Variants in NRXN1 observed in about 807,000 individuals in gnomAD.
NRXN1 encodes neurexin 1, also known as neurexin-1.
NRXN1 carries 39 observed loss-of-function variants against 150.9 expected under a neutral mutation model. That is an observed-to-expected ratio of 0.26 (90% CI 0.20 to 0.34). The LOEUF is 0.34. Among genes scored for constraint, NRXN1 ranks in the 10% least tolerant of loss-of-function variants. The pLI, the probability that NRXN1 is intolerant of heterozygous loss-of-function variation, is 1.00. For missense variants in NRXN1, 1,815 were observed against 1,949.9 expected, an observed-to-expected ratio of 0.93 and a Z score of 1.30; for synonymous variants, 924 against 757.0, an observed-to-expected ratio of 1.22 and a Z score of -3.62.
At chr2:50,828,507 T>C (rs1670866072) in intron 5 of NRXN1, among the ~76,000 whole-genome samples, 1 of 142,326 alleles carries the variant, frequency 7.0e-6, no homozygotes, top group African/African-American at 2.7e-5. Flanking sequence ...TCCTCCCTTC[T>C]CAGACGGGGC....
intron 17 of NRXN1, among the ~76,000 whole-genome samples, chr2:50,394,109 T>A (rs922958206): frequency 6.6e-6 from 1 of 152,174 alleles, no homozygotes; most frequent in Non-Finnish European, 1.5e-5. Context: ...GATTCTGTTA[T>A]TTTGTGACCT....
chr2:50,586,888 A>C (rs542817580), intron 8 of NRXN1, among the ~76,000 whole-genome samples: 2 of 152,358 alleles, frequency 1.3e-5, no homozygotes, highest in African/African-American at 4.8e-5. Context: ...AATATTCCTT[A>C]GATTCCTGGT....
intron 17 of NRXN1, among the ~76,000 whole-genome samples, chr2:50,414,824 C>T (rs61185776): frequency 0.012 from 1,872 of 151,962 alleles, 45 homozygotes; most frequent in African/African-American, 0.043. Context: ...TATGAACGTT[C>T]GTAATACCAA....
intron 18 of NRXN1, among the ~76,000 whole-genome samples, chr2:50,152,714 T>A (rs1345774604): frequency 1.3e-5 from 2 of 151,954 alleles, no homozygotes; most frequent in South Asian, 4.1e-4. Flanking sequence ...AAGGATGACA[T>A]GTATGAATGA....
rs532946325 is a variant in NRXN1 at position 50,690,045 on chromosome 2, C to G, written c.833-66430G>C. Among the ~76,000 whole-genome samples, 3 of 152,190 alleles carry G rather than the reference C, an allele frequency of 2.0e-5. No homozygotes were observed. In the East Asian group the frequency reaches 5.8e-4, roughly 29 times the overall value. ...GGGATTACAGGTGCCCGCCACTATG[C>G]TTGGCTAATTTTTGTATTTTTAGTA... is the stretch of plus-strand genomic sequence containing the variant. On this transcript the variant is annotated intron_variant, in intron 5 of 22. Coordinates refer to ENST00000401669, the MANE Select transcript of NRXN1 (RefSeq NM_001330078.2).
chr2:50,731,361 C>A (rs1698080913), intron 5 of NRXN1, among the ~76,000 whole-genome samples: 1 of 152,146 alleles, frequency 6.6e-6, no homozygotes, highest in Non-Finnish European at 1.5e-5. Flanking sequence ...TCTGATTATT[C>A]TTTTGTAAGT....
At chr2:50,865,659 T>C (rs1274879764) in intron 5 of NRXN1, among the ~76,000 whole-genome samples, 1 of 30,432 alleles carries the variant, frequency 3.3e-5, no homozygotes. Context: ...CATTTGAAAG[T>C]TTTTTTTTTT....
At chr2:49,945,150 CTCTTACT>C in intron 21 of NRXN1, 1 of 152,234 alleles carries the variant, frequency 6.6e-6, no homozygotes, top group South Asian at 2.1e-4. Context: ...TGTTACTCTG[CTCTTACT>C]TCTTCTGAGA....
intron 5 of NRXN1, among the ~76,000 whole-genome samples, chr2:50,714,400 G>A (rs1262179406): frequency 6.6e-6 from 1 of 151,830 alleles, no homozygotes; most frequent in Non-Finnish European, 1.5e-5. Context: ...ACCCCTTCTT[G>A]ACCCTAGCAT....
Position 50,331,594 on chromosome 2 carries a change from A to G in NRXN1, c.3365-94624T>C, listed in dbSNP as rs561127117. Among the ~76,000 whole-genome samples the G allele has an allele frequency of 2.6e-5, 4 of 152,300 alleles. No homozygotes were observed. The East Asian group carries it at 5.8e-4, about 22-fold the overall frequency. On this transcript the variant is annotated intron_variant, in intron 17 of 22. Transcript: ENST00000401669. Reference sequence around the variant, plus strand: ...TCTATGTATAACAGTTCATTCTAAGAGAAGAGCAATAGATTTAACCACTTG... The same window carrying G: ...TCTATGTATAACAGTTCATTCTAAGGGAAGAGCAATAGATTTAACCACTTG...
chr2:50,690,212 T>C (rs1223993740), intron 5 of NRXN1, among the ~76,000 whole-genome samples: 2 of 152,168 alleles, frequency 1.3e-5, no homozygotes, highest in Non-Finnish European at 2.9e-5. Flanking sequence ...CAAATTTTAA[T>C]TCAAACCCAA....
chr2:50,291,002 C>T (rs1050096439), intron 17 of NRXN1, among the ~76,000 whole-genome samples: 12 of 151,936 alleles, frequency 7.9e-5, no homozygotes, highest in African/African-American at 2.9e-4. Flanking sequence ...AATGTAGCCA[C>T]GTGACACCAG....
At chr2:50,732,119 TCTTA>T (rs1275701018) in intron 5 of NRXN1, among the ~76,000 whole-genome samples, 2 of 152,154 alleles carry the variant, frequency 1.3e-5, no homozygotes, top group Non-Finnish European at 2.9e-5. Flanking sequence ...ACATGTACTT[TCTTA>T]GTGTAAAATG....
At chr2:50,963,596 G>T (rs1338932894) in intron 2 of NRXN1, among the ~76,000 whole-genome samples, 2 of 151,626 alleles carry the variant, frequency 1.3e-5, no homozygotes, top group Non-Finnish European at 3.0e-5. Flanking sequence ...GAATTCTTCA[G>T]CAGTCATTAT....
At chr2:49,931,607 G>A (rs1175525701) in intron 22 of NRXN1, among the ~76,000 whole-genome samples, 1 of 151,616 alleles carries the variant, frequency 6.6e-6, no homozygotes, top group East Asian at 1.9e-4. Context: ...CTTTACTCAG[G>A]CCCAACTTTC....
chr2:50,723,840 GGTTT>G (rs1335881200), intron 5 of NRXN1, among the ~76,000 whole-genome samples: 16 of 152,240 alleles, frequency 1.1e-4, no homozygotes, highest in South Asian at 4.1e-4. Flanking sequence ...TGTGTTTTCG[GGTTT>G]GTTTGTGTGC....
chr2:50,523,021 C>G (rs896264109), intron 12 of NRXN1, among the ~76,000 whole-genome samples: 3 of 152,076 alleles, frequency 2.0e-5, no homozygotes, highest in Non-Finnish European at 4.4e-5. Context: ...AGGCGTGAGC[C>G]ACAGCACCCA....
At chr2:50,686,589 T>C (rs1691264605) in intron 5 of NRXN1, among the ~76,000 whole-genome samples, 1 of 152,222 alleles carries the variant, frequency 6.6e-6, no homozygotes, top group Admixed American at 6.5e-5. Context: ...TATAAAATGC[T>C]ACATAAGACC....
At chr2:50,007,604 G>A (rs947825630) in intron 21 of NRXN1, among the ~76,000 whole-genome samples, 6 of 152,070 alleles carry the variant, frequency 3.9e-5, no homozygotes, top group African/African-American at 1.4e-4. Flanking sequence ...GTGTATATGT[G>A]CCACATTTTC....
Sources: allele counts gnomAD v4.1 joint callset (sites outside exome capture counted in the v4.1 genomes callset), GRCh38; gene constraint gnomAD v4.1.1; transcripts MANE v1.5; gene names NCBI Gene and HGNC (gene_info 2026-07-23, HGNC 2026-07-21).